NIPAL3: variants seen among roughly 807,000 people sequenced by gnomAD.
NIPAL3 encodes the protein NIPA like domain containing 3.
A neutral mutation model predicts 47.2 loss-of-function variants in NIPAL3; 41 were observed. That is an observed-to-expected ratio of 0.87 (90% CI 0.68 to 1.13). The LOEUF (loss-of-function observed/expected upper bound fraction) is 1.13. NIPAL3 is among the 50% of genes most tolerant of loss of function. The pLI, the probability that NIPAL3 is intolerant of heterozygous loss-of-function variation, is 0.00. For synonymous variants in NIPAL3, 194 were observed against 209.6 expected (o/e 0.93, Z 0.64); for missense variants, 449 against 530.1 (o/e 0.85, Z 1.50).
chr1:24,454,414 G>C lies in NIPAL3; in HGVS notation c.637+910G>C. The C allele has an allele frequency of 1.9e-6, 2 of 1,032,838 alleles. No homozygotes were observed. The highest frequency in any genetic ancestry group is 2.3e-6 in the Non-Finnish European group (2 of 858,478). 64.0% of individuals were successfully genotyped at this position (1,032,838 alleles called of 1,614,324 possible). ...GAACATCCAAGTCACGGAAGGGAGT[G>C]GGGGTTAAATGAGATGTGCACAGGT... On this transcript the variant is annotated intron_variant, in intron 7 of 11. Transcript: ENST00000374399. The surrounding 1 kb of genome is among the most constrained non-coding windows in gnomAD (Gnocchi z 4.1).
At position 24,427,835 on chromosome 1, in the gene NIPAL3, C is replaced by A. The variant is rs568319715; in HGVS notation, c.93+8195C>A. Among the ~76,000 whole-genome samples the A allele has an allele frequency of 1.8e-4, 28 of 152,284 alleles. No individual in the cohort carries two copies. The South Asian group carries it at 5.8e-3, about 32-fold the overall frequency. ...AGAAAACCATACCTGAAAAAGAAAG[C>A]CTCAGAAGCAAAAGTTCCTCTCTGA... On this transcript the variant is annotated intron_variant, in intron 2 of 11. Coordinates refer to ENST00000374399, the MANE Select transcript of NIPAL3 (RefSeq NM_020448.5).
At chr1:24,414,562 GT>G (rs1469989697), upstream of NIPAL3, 1 of 134,026 alleles carries the variant, frequency 7.5e-6, no homozygotes, top group Non-Finnish European at 1.6e-5. Context: ...TTTTGACAGG[GT>G]CTTGCTCTGT....
In NIPAL3 at chr1:24,456,242, T is replaced by C. The variant is rs778162926; in HGVS notation, c.742T>C (p.Cys248Arg). 15 of 1,614,114 alleles carry C rather than the reference T, an allele frequency of 9.3e-6. No homozygotes were observed. The South Asian group carries it at 1.4e-4, about 15-fold the overall frequency. The change falls in exon 8 of 12, where the codon TGC (cysteine) becomes CGC (arginine). Residue 248 changes from cysteine to arginine, a missense_variant. Physicochemically the swap from Cys to Arg is radical, Grantham distance 180. Transcript: ENST00000374399. ...DYPIFYVMFVCMVATAVYQAA... is the reference protein window; with the variant it reads ...DYPIFYVMFVRMVATAVYQAA... The stretch of plus-strand genomic sequence containing the variant: ...CCCCATCTTCTACGTGATGTTCGTG[T>C]GCATGGTGGCAACCGCCGTCTATCA...
intron 5 of NIPAL3, among the ~76,000 whole-genome samples, chr1:24,446,260 T>A (rs1357898269): frequency 6.6e-6 from 1 of 152,062 alleles, no homozygotes; most frequent in Non-Finnish European, 1.5e-5. Flanking sequence ...AGGAGGTGAT[T>A]TTTCCCCCCA....
At chr1:24,446,157 A>T (rs1417048678) in intron 5 of NIPAL3, among the ~76,000 whole-genome samples, 1 of 151,766 alleles carries the variant, frequency 6.6e-6, no homozygotes, top group Non-Finnish European at 1.5e-5. Context: ...AAATAATTTT[A>T]GGTTGTAGTG....
At chr1:24,450,794 T>C (rs1015714895) in intron 6 of NIPAL3, among the ~76,000 whole-genome samples, 1 of 152,202 alleles carries the variant, frequency 6.6e-6, no homozygotes, top group Non-Finnish European at 1.5e-5. Context: ...TGTTTTCCTC[T>C]GACATAAACA....
intron 11 of NIPAL3, chr1:24,466,126 A>T: frequency 1.3e-6 from 2 of 1,591,740 alleles, no homozygotes; most frequent in Non-Finnish European, 1.7e-6. Context: ...TAAAAATGAG[A>T]TCGAGAAACA....
intron 1 of NIPAL3, among the ~76,000 whole-genome samples, chr1:24,417,131 C>T (rs1644088729): frequency 6.6e-6 from 1 of 152,138 alleles, no homozygotes; most frequent in African/African-American, 2.4e-5. Context: ...CCACAGTGCA[C>T]CCAGTGCTTA....
In NIPAL3 at chr1:24,454,149, C is replaced by A; in HGVS notation, c.637+645C>A. 8.0e-7 allele frequency: 1 copy of A among 1,246,270 alleles called. No individual in the cohort carries two copies. The highest frequency in any genetic ancestry group is 1.0e-6 in the Non-Finnish European group (1 of 972,444). 77.2% of individuals were successfully genotyped at this position (1,246,270 alleles called of 1,614,324 possible). The stretch of plus-strand genomic sequence containing the variant: ...TCAAGTGATCCCCCTGCCTCGGCCT[C>A]CCAAAGTGCCAGGATTACAGGCATG... On this transcript the variant is annotated intron_variant, in intron 7 of 11. Coordinates refer to ENST00000374399, the MANE Select transcript of NIPAL3 (RefSeq NM_020448.5). The surrounding 1 kb of genome is among the most constrained non-coding windows in gnomAD (Gnocchi z 4.1).
intron 5 of NIPAL3, among the ~76,000 whole-genome samples, chr1:24,448,019 A>G (rs760006628): frequency 2.0e-5 from 3 of 152,250 alleles, no homozygotes; most frequent in Non-Finnish European, 2.9e-5. Context: ...CCCTGCCTGA[A>G]GAAAACTTTA....
rs907839948 is a variant in NIPAL3 at position 24,419,344 on chromosome 1, G to A, written c.-204G>A. ...CTCTCTGTCTGCCTGGGAGAGCCAC[G>A]GAAATTGGCACTTCTCTGAGTGAAG... On this transcript the variant is annotated 5_prime_UTR_variant, in exon 2 of 12. Coordinates refer to ENST00000374399, the MANE Select transcript of NIPAL3 (RefSeq NM_020448.5). The A allele has an allele frequency of 1.2e-5, 15 of 1,273,578 alleles. No individual in the cohort carries two copies. The African/African-American group carries it at 1.5e-4, about 13-fold the overall frequency. 78.9% of individuals were successfully genotyped at this position (1,273,578 alleles called of 1,614,324 possible).
chr1:24,446,969 G>A (rs1173364002), intron 5 of NIPAL3, among the ~76,000 whole-genome samples: 1 of 152,132 alleles, frequency 6.6e-6, no homozygotes, highest in Non-Finnish European at 1.5e-5. Flanking sequence ...CATACCAGGA[G>A]CCACAGGTGC....
intron 2 of NIPAL3, among the ~76,000 whole-genome samples, chr1:24,426,240 G>T (rs10794660): frequency 0.19 from 29,241 of 151,760 alleles, 3,306 homozygotes; most frequent in East Asian, 0.3. Flanking sequence ...GTCCCGGTTT[G>T]TGCCTTATGC....
At chr1:24,428,750 G>A (rs1453098077) in intron 2 of NIPAL3, among the ~76,000 whole-genome samples, 1 of 152,156 alleles carries the variant, frequency 6.6e-6, no homozygotes, top group Non-Finnish European at 1.5e-5. Flanking sequence ...ACCTTCCAAG[G>A]GCAATGGGGA....
rs975521633 is a variant in NIPAL3 at position 24,419,495 on chromosome 1, G to A, written c.-53G>A. The stretch of plus-strand genomic sequence containing the variant: ...TGGCATCTGGCCTGGGCCCCGCCTA[G>A]CAGCAGCTCCACCTCCTAGGCCAGG... On this transcript the variant is annotated 5_prime_UTR_variant, in exon 2 of 12. The change abolishes the stop of an existing upstream ORF in the 5' untranslated region. Coordinates refer to ENST00000374399, the MANE Select transcript of NIPAL3 (RefSeq NM_020448.5). 4.0e-6 allele frequency: 6 copies of A among 1,518,246 alleles called. No homozygotes were observed. Among genetic ancestry groups the A allele is most frequent in the Non-Finnish European group, 5.3e-6 (6 of 1,130,094 alleles). The allele number at this position is 1,518,246 out of a possible 1,614,324, so 94.0% of individuals were successfully genotyped here.
chr1:24,425,836 C>A (rs1644559821), intron 2 of NIPAL3, among the ~76,000 whole-genome samples: 1 of 152,198 alleles, frequency 6.6e-6, no homozygotes, highest in Admixed American at 6.5e-5. Context: ...CCCCCTGCTT[C>A]TGCCTTCGGA....
In NIPAL3 at chr1:24,419,284, A is replaced by AC. The variant is rs34170263; in HGVS notation, c.-257-4dup. ...TGCATTTTTAATGTTCCTCTCCACCACCCTAGAGCACCGCAAGAACTGGAA... is the reference window on the plus strand; with the variant it reads ...TGCATTTTTAATGTTCCTCTCCACCACCCCTAGAGCACCGCAAGAACTGGAA... On this transcript the variant is annotated splice_region_variant and splice_polypyrimidine_tract_variant and intron_variant, in intron 1 of 11. Coordinates refer to ENST00000374399, the MANE Select transcript of NIPAL3 (RefSeq NM_020448.5). The AC allele has an allele frequency of 2.6e-6, 3 of 1,152,296 alleles. No homozygotes were observed. Among genetic ancestry groups the AC allele is most frequent in the Non-Finnish European group, 3.2e-6 (3 of 936,920 alleles). 71.4% of individuals were successfully genotyped at this position (1,152,296 alleles called of 1,614,324 possible).
At chr1:24,464,297 T>C (rs745858568) in intron 11 of NIPAL3, 177 bp downstream of exon 11, 3 of 448,688 alleles carry the variant, frequency 6.7e-6, no homozygotes, top group African/African-American at 2.0e-5. Flanking sequence ...CTGAGGCACC[T>C]CGGTTGGTTT....
intron 2 of NIPAL3, among the ~76,000 whole-genome samples, chr1:24,433,908 T>C (rs1163057320): frequency 6.6e-6 from 1 of 152,188 alleles, no homozygotes; most frequent in African/African-American, 2.4e-5. Context: ...ATTAAGGTGT[T>C]AATTATAATC....
Sources: allele counts gnomAD v4.1 joint callset (sites outside exome capture counted in the v4.1 genomes callset), GRCh38; gene constraint gnomAD v4.1.1; non-coding constraint Gnocchi (gnomAD v3.1); transcripts MANE v1.5; gene names NCBI Gene and HGNC (gene_info 2026-07-23, HGNC 2026-07-21).